EHBP1: variants seen among roughly 807,000 people sequenced by gnomAD.
The protein encoded by EHBP1 is EH domain-binding protein 1.
EHBP1 carries 55 observed loss-of-function variants against 144.0 expected under a neutral mutation model. That is an observed-to-expected ratio of 0.38 (90% CI 0.31 to 0.48). The LOEUF is 0.48. Ranked by LOEUF, EHBP1 falls within the 20% of genes least tolerant of loss-of-function variation. The pLI is 0.98. For missense variants in EHBP1, 1,200 were observed against 1,364.2 expected (o/e 0.88, Z 1.90); for synonymous variants, 469 against 472.7 (o/e 0.99, Z 0.10).
intron 5 of EHBP1, among the ~76,000 whole-genome samples, chr2:62,825,360 T>C (rs1487544503): frequency 6.6e-6 from 1 of 152,116 alleles, no homozygotes; most frequent in Non-Finnish European, 1.5e-5. Flanking sequence ...TGTTAAGTAC[T>C]TTTGATAGCA....
upstream of EHBP1, among the ~76,000 whole-genome samples, chr2:62,702,253 C>T (rs1366270004): frequency 6.6e-6 from 1 of 152,158 alleles, no homozygotes; most frequent in African/African-American, 2.4e-5. Context: ...TATTTAAAGG[C>T]AAATTTTAAA....
chr2:62,781,162 G>A (rs2042399278), intron 5 of EHBP1, among the ~76,000 whole-genome samples: 2 of 152,070 alleles, frequency 1.3e-5, no homozygotes, highest in Admixed American at 1.3e-4. Context: ...AGTTTAGGAT[G>A]TTTTATGTTC....
chr2:62,846,063 A>T (rs929954862), intron 7 of EHBP1, among the ~76,000 whole-genome samples: 1 of 152,200 alleles, frequency 6.6e-6, no homozygotes, highest in African/African-American at 2.4e-5. Context: ...AAATATGTCA[A>T]CTCAGAGAAT....
intron 10 of EHBP1, among the ~76,000 whole-genome samples, chr2:62,883,685 C>T (rs747166682): frequency 5.3e-5 from 8 of 152,124 alleles, no homozygotes; most frequent in Non-Finnish European, 8.8e-5. Context: ...GACTGCTAGC[C>T]AGGCACAGTG....
intron 15 of EHBP1, among the ~76,000 whole-genome samples, chr2:62,987,214 A>T (rs1203801850): frequency 6.6e-6 from 1 of 152,214 alleles, no homozygotes; most frequent in Non-Finnish European, 1.5e-5. Flanking sequence ...AAAATCCTTA[A>T]TGTCAAAAAT....
At chr2:62,975,544 T>G (rs775114853) in intron 14 of EHBP1, among the ~76,000 whole-genome samples, 4 of 152,100 alleles carry the variant, frequency 2.6e-5, no homozygotes, top group Non-Finnish European at 5.9e-5. Flanking sequence ...TCATTCATTA[T>G]GATTTGCAAA....
At chr2:62,782,307 G>T (rs574595961) in intron 5 of EHBP1, among the ~76,000 whole-genome samples, 2 of 152,316 alleles carry the variant, frequency 1.3e-5, no homozygotes, top group African/African-American at 2.4e-5. Context: ...ATTAGAGATA[G>T]ACCAGTTAAT....
intron 3 of EHBP1, among the ~76,000 whole-genome samples, chr2:62,761,998 A>C (rs1367544633): frequency 6.6e-6 from 1 of 151,942 alleles, no homozygotes; most frequent in African/African-American, 2.4e-5. Flanking sequence ...TGCTCTTGTA[A>C]AGTTATTAAT....
rs191638310 is a variant in EHBP1, at chr2:62,919,973, C to T, written c.1186-22745C>T. Reference sequence around the variant, plus strand: ...TAAGGTTGAAGAAAAGGGAACACAGCCTAAAGTACCTGTGAGACACCATCA... The same window carrying T: ...TAAGGTTGAAGAAAAGGGAACACAGTCTAAAGTACCTGTGAGACACCATCA... On this transcript the variant is annotated intron_variant, in intron 10 of 22. Transcript: ENST00000431489. Among the ~76,000 whole-genome samples, 26 of 152,066 alleles carry T rather than the reference C, an allele frequency of 1.7e-4. No homozygotes were observed. In the East Asian group the frequency reaches 5.0e-3, roughly 29 times the overall value.
chr2:63,003,453 A>T (rs2059923023), intron 19 of EHBP1, among the ~76,000 whole-genome samples: 1 of 152,070 alleles, frequency 6.6e-6, no homozygotes, highest in Non-Finnish European at 1.5e-5. Context: ...ATAATTGAAC[A>T]AGAATTGTCA....
At chr2:62,749,441 A>G (rs2152187325) in intron 3 of EHBP1, among the ~76,000 whole-genome samples, 1 of 152,324 alleles carries the variant, frequency 6.6e-6, no homozygotes, top group East Asian at 1.9e-4. Context: ...TGCTGCAGTA[A>G]ACATACATGT....
chr2:62,959,587 A>C lies in EHBP1; in HGVS notation c.2460+3927A>C, dbSNP rs141580825. On this transcript the variant is annotated intron_variant, in intron 14 of 22. Coordinates refer to ENST00000431489, the MANE Select transcript of EHBP1 (RefSeq NM_001142616.3). ...AGCCATTGAACAAGCATGGAGTGAC[A>C]TCTCATTGTGATCTTGATTTGCACT... is the stretch of plus-strand genomic sequence containing the variant. Among the ~76,000 whole-genome samples the C allele has an allele frequency of 3.5e-4, 53 of 152,274 alleles. No homozygotes were observed. The East Asian group carries it at 9.6e-3, about 28-fold the overall frequency.
Position 63,045,091 on chromosome 2 carries a change from G to A in EHBP1, c.3303G>A (p.Lys1101=), listed in dbSNP as rs1458328321. Residue 1101 remains lysine, a synonymous_variant, in exon 22 of 23, where the codon AAG becomes AAA. Coordinates refer to ENST00000431489, the MANE Select transcript of EHBP1 (RefSeq NM_001142616.3). This position sits in a 1 kb window ranked among gnomAD's most constrained non-coding sequence, Gnocchi z 5.7. ...IEDWQKTEAQ[K]RREQLLLDEL... Reference sequence around the variant, plus strand: ...ACTGGCAGAAGACCGAGGCCCAGAAGCGACGCGAACAGCTTCTGCTAGATG... The same window carrying A: ...ACTGGCAGAAGACCGAGGCCCAGAAACGACGCGAACAGCTTCTGCTAGATG... 6.4e-7 allele frequency: 1 copy of A among 1,574,772 alleles called. No homozygotes were observed. The highest frequency in any genetic ancestry group is 1.4e-5 in the African/African-American group (1 of 74,062).
intron 5 of EHBP1, among the ~76,000 whole-genome samples, chr2:62,783,042 G>A (rs183686877): frequency 1.3e-5 from 2 of 152,314 alleles, no homozygotes; most frequent in Admixed American, 1.3e-4. Context: ...CCTAATGGGA[G>A]AAATTGACCA....
intron 10 of EHBP1, among the ~76,000 whole-genome samples, chr2:62,902,884 T>C (rs776077458): frequency 2.0e-5 from 3 of 152,246 alleles, no homozygotes; most frequent in Non-Finnish European, 4.4e-5. Flanking sequence ...GTTTGTTATA[T>C]AGATTCTCCT....
At position 63,046,409 on chromosome 2, in the gene EHBP1, GA is replaced by G. The variant is rs2061956489; in HGVS notation, c.*913del. The G allele has an allele frequency of 6.6e-6, 1 of 152,512 alleles. No homozygotes were observed. The highest frequency in any genetic ancestry group is 2.4e-5 in the African/African-American group (1 of 41,412). 9.4% of individuals were successfully genotyped at this position (152,512 alleles called of 1,614,324 possible). A position where few individuals can be genotyped will look rare whatever the true frequency, so the allele number is the denominator to read the frequency against. On this transcript the variant is annotated 3_prime_UTR_variant, in exon 23 of 23. Coordinates refer to ENST00000431489, the MANE Select transcript of EHBP1 (RefSeq NM_001142616.3). ...TTAGCATAGCACTGTCATTTTTTGT[GA>G]AAATGGTTATGTTTATTTATTACAA...
At chr2:62,746,347 G>A (rs1364809295) in intron 2 of EHBP1, among the ~76,000 whole-genome samples, 1 of 151,896 alleles carries the variant, frequency 6.6e-6, no homozygotes, top group African/African-American at 2.4e-5. Context: ...TAGGTGGATC[G>A]CTGAGTGAGG....
intron 16 of EHBP1, among the ~76,000 whole-genome samples, chr2:62,991,993 G>A (rs2059433179): frequency 6.6e-6 from 1 of 152,204 alleles, no homozygotes; most frequent in South Asian, 2.1e-4. Context: ...GCTTTCTGCA[G>A]TGGATTTAAT....
rs150782795 is a variant in EHBP1, at chr2:62,742,029, C to T, written c.105-5366C>T. ...TTATATATGTTTAGATACACAAATACTTAACCATTATGTTAAAATTACCTA... is the reference window on the plus strand; with the variant it reads ...TTATATATGTTTAGATACACAAATATTTAACCATTATGTTAAAATTACCTA... On this transcript the variant is annotated intron_variant, in intron 2 of 22. Coordinates refer to ENST00000431489, the MANE Select transcript of EHBP1 (RefSeq NM_001142616.3). 4.3e-4 allele frequency among the ~76,000 whole-genome samples: 66 copies of T among 152,210 alleles called. 1 individual carries two copies. The highest frequency in any genetic ancestry group is 1.4e-3 in the African/African-American group (58 of 41,532).
Sources: allele counts gnomAD v4.1 joint callset (sites outside exome capture counted in the v4.1 genomes callset), GRCh38; gene constraint gnomAD v4.1.1; non-coding constraint Gnocchi (gnomAD v3.1); transcripts MANE v1.5; gene names NCBI Gene and HGNC (gene_info 2026-07-23, HGNC 2026-07-21).